The following WDR7 variants were observed in gnomAD, a reference collection of about 807,000 sequenced individuals.
The protein encoded by WDR7 is WD repeat domain 7.
Under a neutral mutation model 169.4 loss-of-function variants are expected in WDR7, and 46 were observed. The observed-to-expected ratio is 0.27, with a 90% CI of 0.21 to 0.35. The LOEUF (loss-of-function observed/expected upper bound fraction) is 0.35. WDR7 is among the 10% of genes least tolerant of loss of function. The pLI, the probability that WDR7 is intolerant of heterozygous loss-of-function variation, is 1.00. For missense variants in WDR7, 1,534 were observed against 1,859.3 expected (o/e 0.83, Z 3.22); for synonymous variants, 612 against 666.8 (o/e 0.92, Z 1.27).
At chr18:56,878,111 G>A (rs927585599) in intron 20 of WDR7, among the ~76,000 whole-genome samples, 1 of 152,214 alleles carries the variant, frequency 6.6e-6, no homozygotes, top group African/African-American at 2.4e-5. Context: ...TGTAGCAAGA[G>A]TGAGGTTAAG....
chr18:56,777,119 C>A (rs2044253335), intron 17 of WDR7, among the ~76,000 whole-genome samples: 1 of 152,170 alleles, frequency 6.6e-6, no homozygotes, highest in Admixed American at 6.6e-5. Flanking sequence ...TGCAGAGATG[C>A]CAATCTTTGA....
At chr18:56,892,266 G>A (rs1462404989) in intron 21 of WDR7, among the ~76,000 whole-genome samples, 1 of 151,946 alleles carries the variant, frequency 6.6e-6, no homozygotes. Flanking sequence ...TATTTATTTT[G>A]CCACTTGAAC....
chr18:57,030,743 A>G (rs1030866067), downstream of WDR7: 1 of 152,086 alleles, frequency 6.6e-6, no homozygotes, highest in Non-Finnish European at 1.5e-5. Flanking sequence ...AGAAAAGAAG[A>G]CTCATTTTTA....
At chr18:57,034,756 A>C (rs1286767455), downstream of WDR7, 3 of 152,058 alleles carry the variant, frequency 2.0e-5, no homozygotes, top group African/African-American at 7.2e-5. Context: ...TGAAAAGCTG[A>C]AGGGTGATTA....
At position 56,672,505 on chromosome 18, in the gene WDR7, A is replaced by G. The variant is rs1028059564; in HGVS notation, c.-11A>G. On this transcript the variant is annotated 5_prime_UTR_variant, in exon 2 of 28. Coordinates refer to ENST00000254442, the MANE Select transcript of WDR7 (RefSeq NM_015285.3). ...TTTTATAACATTTTCAGGTTTGAAAACACAAACACAATGGCAGGAAACAGC... is the reference window on the plus strand; with the variant it reads ...TTTTATAACATTTTCAGGTTTGAAAGCACAAACACAATGGCAGGAAACAGC... 9.9e-6 allele frequency: 15 copies of G among 1,508,336 alleles called. No homozygotes were observed. Among genetic ancestry groups the G allele is most frequent in the Non-Finnish European group, 1.3e-5 (15 of 1,127,158 alleles). The allele number at this position is 1,508,336 out of a possible 1,614,324, so 93.4% of individuals were successfully genotyped here.
At position 56,894,774 on chromosome 18, in the gene WDR7, T is replaced by C. The variant is rs1158995609; in HGVS notation, c.3526+14609T>C. ...CCCTTGTAGTATCTTACATTTTAACTGAAACTTTCTCTTTGATTATGTAAC... is the reference window on the plus strand; with the variant it reads ...CCCTTGTAGTATCTTACATTTTAACCGAAACTTTCTCTTTGATTATGTAAC... On this transcript the variant is annotated intron_variant, in intron 21 of 27. Transcript: ENST00000254442. Among the ~76,000 whole-genome samples, 4 of 152,240 alleles carry C rather than the reference T, an allele frequency of 2.6e-5. No individual in the cohort carries two copies. The East Asian group carries it at 7.7e-4, about 29-fold the overall frequency.
intron 14 of WDR7, among the ~76,000 whole-genome samples, chr18:56,753,923 A>G (rs948458758): frequency 2.0e-5 from 3 of 151,974 alleles, no homozygotes; most frequent in African/African-American, 7.2e-5. Flanking sequence ...TTATTAAAAT[A>G]TATATTGATT....
intron 27 of WDR7, among the ~76,000 whole-genome samples, chr18:57,023,710 T>C (rs374170269): frequency 6.6e-6 from 1 of 152,236 alleles, no homozygotes; most frequent in Non-Finnish European, 1.5e-5. Context: ...AATTTGAATA[T>C]TTCACTTCTC....
chr18:56,824,868 CA>C (rs761737495), intron 20 of WDR7, among the ~76,000 whole-genome samples: 17 of 152,036 alleles, frequency 1.1e-4, no homozygotes, highest in Non-Finnish European at 2.4e-4. Context: ...AAAGATAGAA[CA>C]AAAACCTGGA....
At chr18:56,707,375 G>A (rs370946201) in intron 12 of WDR7, among the ~76,000 whole-genome samples, 2 of 150,456 alleles carry the variant, frequency 1.3e-5, no homozygotes, top group African/African-American at 4.9e-5. Context: ...TTTAAAACCC[G>A]TACAAATTAG....
At position 56,875,708 on chromosome 18, in the gene WDR7, CT is replaced by C. The variant is rs1197427639; in HGVS notation, c.3305-4234del. Among the ~76,000 whole-genome samples, 7 of 152,340 alleles carry C rather than the reference CT, an allele frequency of 4.6e-5. No homozygotes were observed. The East Asian group carries it at 1.2e-3, about 25-fold the overall frequency. ...CAGAAAGTTCTCATTGATTCTGTAACTTACACATTTCCAATGCCTGTTTAGT... is the reference window on the plus strand; with the variant it reads ...CAGAAAGTTCTCATTGATTCTGTAACTACACATTTCCAATGCCTGTTTAGT... On this transcript the variant is annotated intron_variant, in intron 20 of 27. Coordinates refer to ENST00000254442, the MANE Select transcript of WDR7 (RefSeq NM_015285.3).
At chr18:56,681,872 A>T (rs2025356568) in intron 4 of WDR7, among the ~76,000 whole-genome samples, 1 of 152,212 alleles carries the variant, frequency 6.6e-6, no homozygotes, top group South Asian at 2.1e-4. Context: ...TGCCTGGCTT[A>T]ATATGTAGAG....
At chr18:56,999,208 C>T (rs2047940356) in intron 26 of WDR7, among the ~76,000 whole-genome samples, 1 of 152,090 alleles carries the variant, frequency 6.6e-6, no homozygotes, top group Admixed American at 6.5e-5. Context: ...AGTTCTAAGT[C>T]TTTTCATATT....
At chr18:56,774,899 T>C (rs1184230124) in intron 16 of WDR7, among the ~76,000 whole-genome samples, 1 of 152,104 alleles carries the variant, frequency 6.6e-6, no homozygotes, top group Non-Finnish European at 1.5e-5. Context: ...AAATGCCTTT[T>C]TTTCTAAATG....
intron 24 of WDR7, 62 bp from the exon 25 acceptor site, chr18:56,939,249 A>C: frequency 4.7e-6 from 6 of 1,283,670 alleles, no homozygotes; most frequent in Non-Finnish European, 5.3e-6. Context: ...TAAATTAATC[A>C]TTTACATTTT....
chr18:56,734,027 C>T (rs368096223), intron 14 of WDR7, among the ~76,000 whole-genome samples: 1 of 149,646 alleles, frequency 6.7e-6, no homozygotes, highest in Admixed American at 6.6e-5. Context: ...TCCCTCATAA[C>T]TGATTGTCTT....
chr18:56,986,023 C>G (rs2047712643), intron 26 of WDR7, among the ~76,000 whole-genome samples: 1 of 152,044 alleles, frequency 6.6e-6, no homozygotes, highest in African/African-American at 2.4e-5. Flanking sequence ...TTGCTTTTTA[C>G]TGAAGTTGTT....
chr18:56,983,239 TC>T (rs1395736173), intron 26 of WDR7, among the ~76,000 whole-genome samples: 2 of 152,220 alleles, frequency 1.3e-5, no homozygotes, highest in Non-Finnish European at 2.9e-5. Context: ...ATGAAAAGGT[TC>T]CTATTTTTTA....
At chr18:56,935,676 G>A in intron 22 of WDR7, 112 bp from the exon 23 acceptor site, 2 of 962,434 alleles carry the variant, frequency 2.1e-6, no homozygotes, top group Non-Finnish European at 3.3e-6. Context: ...TATTCTAACT[G>A]TTTGAGTGCT....
Sources: allele counts gnomAD v4.1 joint callset (sites outside exome capture counted in the v4.1 genomes callset), GRCh38; gene constraint gnomAD v4.1.1; transcripts MANE v1.5; gene names NCBI Gene and HGNC (gene_info 2026-07-23, HGNC 2026-07-21).